The following SYNE1 variants were observed in gnomAD, a reference collection of about 807,000 sequenced individuals.
The protein encoded by SYNE1 is spectrin repeat containing nuclear envelope protein 1.
A neutral mutation model predicts 1,111.0 loss-of-function variants in SYNE1; 616 were observed. The ratio of observed to expected loss-of-function variants is 0.55; its 90% CI spans 0.52 to 0.59. The LOEUF (loss-of-function observed/expected upper bound fraction) is 0.59. SYNE1 is among the 20% of genes least tolerant of loss of function. The probability of loss-of-function intolerance (pLI) is 0.00; values close to 1 mark genes in which losing one functional copy is unlikely to be tolerated. For missense variants in SYNE1, 10,006 were observed against 10,417.0 expected (o/e 0.96, Z 1.72); for synonymous variants, 3,855 against 3,825.8 (o/e 1.01, Z -0.28).
At chr6:152,209,548 G>A (rs1195408081) in intron 124 of SYNE1, among the ~76,000 whole-genome samples, 2 of 152,084 alleles carry the variant, frequency 1.3e-5, no homozygotes, top group African/African-American at 4.8e-5. Flanking sequence ...TCAGGAGTTT[G>A]AGACCAGCCT....
In SYNE1 at chr6:152,465,971, G is replaced by A; in HGVS notation, c.1729+11C>T. On this transcript the variant is annotated intron_variant, in intron 17 of 145. Coordinates refer to ENST00000367255, the MANE Select transcript of SYNE1 (RefSeq NM_182961.4). ...AGTCTACGTTGCAACAAATTCTGTAGTATGTTTTACCTGAACCATCTGCTT... is the reference window on the plus strand; with the variant it reads ...AGTCTACGTTGCAACAAATTCTGTAATATGTTTTACCTGAACCATCTGCTT... 6.3e-7 allele frequency: 1 copy of A among 1,593,458 alleles called. No individual in the cohort carries two copies. The highest frequency in any genetic ancestry group is 8.6e-7 in the Non-Finnish European group (1 of 1,161,708).
At chr6:152,422,725 T>A (rs1220276468) in intron 39 of SYNE1, among the ~76,000 whole-genome samples, 2 of 152,138 alleles carry the variant, frequency 1.3e-5, no homozygotes, top group Admixed American at 1.3e-4. Context: ...CCCAGGCTGG[T>A]TTTGAACTCC....
chr6:152,377,656 T>C (rs1257546982), intron 56 of SYNE1, among the ~76,000 whole-genome samples: 2 of 109,262 alleles, frequency 1.8e-5, no homozygotes, highest in African/African-American at 6.2e-5. Context: ...TATATATATA[T>C]ATATATATAT....
intron 48 of SYNE1, 86 bp downstream of exon 48, chr6:152,399,530 A>G (rs2097781630): frequency 1.3e-6 from 2 of 1,529,884 alleles, no homozygotes; most frequent in African/African-American, 1.4e-5. Context: ...GTTTCCTCAA[A>G]CTTTTGCTGG....
At chr6:152,184,631 T>TATATATATATAG (rs763006040) in intron 128 of SYNE1, among the ~76,000 whole-genome samples, 1 of 142,916 alleles carries the variant, frequency 7.0e-6, no homozygotes, top group African/African-American at 2.6e-5. Context: ...TATACACATA[T>TATATATATATAG]ATAGATAGAT....
intron 131 of SYNE1, among the ~76,000 whole-genome samples, chr6:152,159,155 A>G (rs145870571): frequency 5.4e-4 from 82 of 152,326 alleles, no homozygotes; most frequent in African/African-American, 1.9e-3. Context: ...TCATTCTTAA[A>G]AATTTTCCAC....
At chr6:152,317,137 G>T in intron 86 of SYNE1, 151 bp from the exon 87 acceptor site, 1 of 907,082 alleles carries the variant, frequency 1.1e-6, no homozygotes, top group Non-Finnish European at 1.7e-6. Context: ...TCGTTTCCCT[G>T]TTAAAATCTG....
At chr6:152,257,728 A>C (rs2091164791) in intron 101 of SYNE1, among the ~76,000 whole-genome samples, 1 of 152,224 alleles carries the variant, frequency 6.6e-6, no homozygotes, top group South Asian at 2.1e-4. Flanking sequence ...AAATTTTAAA[A>C]AAACAAAGAT....
Position 152,425,363 on chromosome 6 carries a change from T to A in SYNE1, c.5267+18A>T, listed in dbSNP as rs560740757. On this transcript the variant is annotated intron_variant, in intron 39 of 145. Coordinates refer to ENST00000367255, the MANE Select transcript of SYNE1 (RefSeq NM_182961.4). ...AAACAAATGAACAATATTAGAAGAT[T>A]TATCTTTTAGAACCAACCTTTTGTT... is the stretch of plus-strand genomic sequence containing the variant. The A allele has an allele frequency of 6.2e-7, 1 of 1,612,158 alleles. No homozygotes were observed. The highest frequency in any genetic ancestry group is 1.7e-5 in the Admixed American group (1 of 59,980).
intron 3 of SYNE1, among the ~76,000 whole-genome samples, chr6:152,576,704 G>T (rs1253494712): frequency 6.6e-6 from 1 of 152,128 alleles, no homozygotes; most frequent in African/African-American, 2.4e-5. Context: ...ATTCAAATTA[G>T]CTACAGGAAG....
chr6:152,216,999 G>A (rs1256727843), intron 121 of SYNE1, among the ~76,000 whole-genome samples: 1 of 149,992 alleles, frequency 6.7e-6, no homozygotes, highest in Non-Finnish European at 1.5e-5. Flanking sequence ...GGAGGCAGGG[G>A]TTGCAGTGAG....
intron 76 of SYNE1, 21 bp downstream of exon 76, chr6:152,336,820 T>TG: frequency 3.7e-6 from 6 of 1,610,936 alleles, no homozygotes; most frequent in Non-Finnish European, 5.1e-6. Context: ...TTATCTCCCT[T>TG]GGGGGCAAAT....
At chr6:152,483,790 A>G (rs1213249845) in intron 13 of SYNE1, among the ~76,000 whole-genome samples, 2 of 152,078 alleles carry the variant, frequency 1.3e-5, no homozygotes, top group East Asian at 3.9e-4. Context: ...CATCTCTTCC[A>G]TTTTACCCAA....
chr6:152,393,785 A>C (rs1411573249), intron 51 of SYNE1, among the ~76,000 whole-genome samples: 1 of 152,038 alleles, frequency 6.6e-6, no homozygotes, highest in Non-Finnish European at 1.5e-5. Context: ...AAGAGGACTC[A>C]GTGGAAACAG....
rs754642929 is a variant in SYNE1, at chr6:152,301,911, C to T, written c.17499G>A (p.Gly5833=). ...GGGCCGAAGGCGTGGGGAGGAGCTC[C>T]CCATCCAGGTCCTCTGTCCCTTCCG... The part of the protein sequence containing the change: ...GLAEGTEDLD[G]ELLPTPSAHP... The change falls in exon 92 of 146, where the codon GGG becomes GGA. Residue 5833 remains glycine, a synonymous_variant. Transcript: ENST00000367255. 1 of 1,614,076 alleles carries T rather than the reference C, an allele frequency of 6.2e-7. No individual in the cohort carries two copies.
At chr6:152,486,899 T>C (rs1043277089) in intron 12 of SYNE1, among the ~76,000 whole-genome samples, 1 of 152,210 alleles carries the variant, frequency 6.6e-6, no homozygotes, top group Admixed American at 6.5e-5. Flanking sequence ...GTAGCAGAAA[T>C]GACTGAAATA....
chr6:152,235,126 T>C (rs901256393), intron 110 of SYNE1, among the ~76,000 whole-genome samples: 1 of 152,160 alleles, frequency 6.6e-6, no homozygotes, highest in Non-Finnish European at 1.5e-5. Flanking sequence ...TATGTCATTA[T>C]GTAAAAATCA....
intron 10 of SYNE1, among the ~76,000 whole-genome samples, chr6:152,499,094 A>G (rs547253061): frequency 2.7e-4 from 41 of 152,268 alleles, no homozygotes; most frequent in Non-Finnish European, 5.3e-4. Flanking sequence ...TAAACTATGT[A>G]AAGAAGAGGT....
At chr6:152,278,612 A>G (rs576313983) in intron 97 of SYNE1, among the ~76,000 whole-genome samples, 39 of 151,876 alleles carry the variant, frequency 2.6e-4, no homozygotes, top group Non-Finnish European at 4.4e-4. Context: ...ACAGGCGCCC[A>G]CCACTATGCC....
Sources: allele counts gnomAD v4.1 joint callset (sites outside exome capture counted in the v4.1 genomes callset), GRCh38; gene constraint gnomAD v4.1.1; transcripts MANE v1.5; gene names NCBI Gene and HGNC (gene_info 2026-07-23, HGNC 2026-07-21).